ERBB4: variants seen among roughly 807,000 people sequenced by gnomAD.
ERBB4 encodes the protein receptor tyrosine-protein kinase erbB-4.
ERBB4 carries 42 observed loss-of-function variants against 158.0 expected under a neutral mutation model. The ratio of observed to expected loss-of-function variants is 0.27; its 90% CI spans 0.21 to 0.34. The LOEUF (loss-of-function observed/expected upper bound fraction) is 0.34. Ranked by LOEUF, ERBB4 falls within the 10% of genes least tolerant of loss-of-function variation. ERBB4 has a pLI of 1.00. For synonymous variants in ERBB4, 583 were observed against 558.7 expected, an observed-to-expected ratio of 1.04 and a Z score of -0.61; for missense variants, 1,333 against 1,624.1, an observed-to-expected ratio of 0.82 and a Z score of 3.08.
chr2:212,332,358 CTTCT>C lies in ERBB4; in HGVS notation c.82+206087_82+206090del, dbSNP rs1403389872. Among the ~76,000 whole-genome samples, 8 of 152,124 alleles carry C rather than the reference CTTCT, an allele frequency of 5.3e-5. No individual in the cohort carries two copies. The East Asian group carries it at 1.6e-3, about 30-fold the overall frequency. On this transcript the variant is annotated intron_variant, in intron 1 of 27. Coordinates refer to ENST00000342788, the MANE Select transcript of ERBB4 (RefSeq NM_005235.3). ...CATGTGGAACTGTAAGTCCATTAAA[CTTCT>C]TTCTTTTGTAACTTGTCCAGTCTTG... is the stretch of plus-strand genomic sequence containing the variant.
At chr2:212,466,626 G>A (rs923388897) in intron 1 of ERBB4, among the ~76,000 whole-genome samples, 3 of 152,188 alleles carry the variant, frequency 2.0e-5, no homozygotes, top group Non-Finnish European at 4.4e-5. Context: ...CAGCCATGTG[G>A]AACTGTAAGT....
At chr2:211,757,320 T>C (rs955560721) in intron 4 of ERBB4, among the ~76,000 whole-genome samples, 6 of 152,198 alleles carry the variant, frequency 3.9e-5, no homozygotes, top group African/African-American at 1.4e-4. Flanking sequence ...GTATTCTTCC[T>C]TGCTAAAAAA....
At chr2:211,971,379 G>A (rs2081447640) in intron 2 of ERBB4, among the ~76,000 whole-genome samples, 1 of 152,042 alleles carries the variant, frequency 6.6e-6, no homozygotes, top group South Asian at 2.1e-4. Flanking sequence ...TCCATGAACA[G>A]ACCAATAATG....
chr2:212,365,550 TACA>T (rs984084035), intron 1 of ERBB4, among the ~76,000 whole-genome samples: 2 of 151,808 alleles, frequency 1.3e-5, no homozygotes, highest in African/African-American at 4.8e-5. Flanking sequence ...AGAAAAACTT[TACA>T]ACTTCATTTC....
intron 1 of ERBB4, among the ~76,000 whole-genome samples, chr2:212,185,804 T>C (rs1163044134): frequency 6.6e-6 from 1 of 152,126 alleles, no homozygotes; most frequent in Non-Finnish European, 1.5e-5. Flanking sequence ...GAAGAAAGTT[T>C]AATTTACAAA....
At chr2:212,302,382 T>C (rs138308445) in intron 1 of ERBB4, among the ~76,000 whole-genome samples, 2 of 151,494 alleles carry the variant, frequency 1.3e-5, no homozygotes, top group African/African-American at 4.8e-5. Context: ...GGTATTTATA[T>C]AAAATCTCCT....
At chr2:212,310,647 A>G (rs527922722) in intron 1 of ERBB4, among the ~76,000 whole-genome samples, 2,631 of 145,764 alleles carry the variant, frequency 0.018, 64 homozygotes, top group African/African-American at 0.06. Flanking sequence ...GTGTGTGTAT[A>G]TATATATATT....
intron 1 of ERBB4, among the ~76,000 whole-genome samples, chr2:212,271,932 G>T (rs1045108003): frequency 3.3e-5 from 5 of 151,666 alleles, no homozygotes; most frequent in African/African-American, 9.7e-5. Context: ...TTAAAATGAG[G>T]TTCTCTAGCA....
chr2:211,834,587 C>T (rs1386849760), intron 3 of ERBB4, among the ~76,000 whole-genome samples: 1 of 151,564 alleles, frequency 6.6e-6, no homozygotes, highest in Non-Finnish European at 1.5e-5. Flanking sequence ...TTACTTTGTT[C>T]CAAATAAACT....
At chr2:211,753,455 A>C (rs901181972) in intron 4 of ERBB4, among the ~76,000 whole-genome samples, 3 of 152,152 alleles carry the variant, frequency 2.0e-5, no homozygotes, top group African/African-American at 7.2e-5. Context: ...GTTTAGAATT[A>C]ATTCAGGAAA....
At chr2:211,811,719 ACT>A (rs1371122490) in intron 3 of ERBB4, among the ~76,000 whole-genome samples, 1 of 149,414 alleles carries the variant, frequency 6.7e-6, no homozygotes, top group African/African-American at 2.5e-5. Context: ...GTTTCTTTTT[ACT>A]CTTTTTTTTT....
chr2:212,170,174 T>A (rs1254494213), intron 1 of ERBB4, among the ~76,000 whole-genome samples: 1 of 152,086 alleles, frequency 6.6e-6, no homozygotes. Flanking sequence ...ATGCTGACAA[T>A]GATATGAACA....
chr2:212,077,015 G>A (rs569871814), intron 2 of ERBB4, among the ~76,000 whole-genome samples: 10 of 152,038 alleles, frequency 6.6e-5, no homozygotes, highest in African/African-American at 2.2e-4. Context: ...AAATAGGATA[G>A]CTAAACAATT....
At chr2:212,288,578 C>G (rs566381323) in intron 1 of ERBB4, among the ~76,000 whole-genome samples, 1 of 152,180 alleles carries the variant, frequency 6.6e-6, no homozygotes, top group South Asian at 2.1e-4. Flanking sequence ...ATTCAGTGTG[C>G]GAGGTGGAAA....
chr2:212,309,079 A>T (rs1007723206), intron 1 of ERBB4, among the ~76,000 whole-genome samples: 1 of 150,994 alleles, frequency 6.6e-6, no homozygotes, highest in African/African-American at 2.4e-5. Flanking sequence ...ACAGAACACT[A>T]AATTAGAAGC....
intron 2 of ERBB4, among the ~76,000 whole-genome samples, chr2:212,060,085 C>G (rs945587841): frequency 2.0e-5 from 3 of 152,136 alleles, no homozygotes; most frequent in African/African-American, 4.8e-5. Flanking sequence ...AGAACTTAAA[C>G]AAATTTACAA....
chr2:212,207,052 A>G (rs988484191), intron 1 of ERBB4, among the ~76,000 whole-genome samples: 3 of 151,986 alleles, frequency 2.0e-5, no homozygotes, highest in Non-Finnish European at 4.4e-5. Context: ...AAGTAGACTG[A>G]CATTTATAAA....
chr2:212,191,783 T>C (rs1350664499), intron 1 of ERBB4, among the ~76,000 whole-genome samples: 2 of 122,224 alleles, frequency 1.6e-5, no homozygotes, highest in African/African-American at 6.5e-5. Flanking sequence ...AACACGTGTG[T>C]TATATGTTCT....
At chr2:211,551,089 A>C (rs556762204) in intron 20 of ERBB4, among the ~76,000 whole-genome samples, 16 of 152,142 alleles carry the variant, frequency 1.1e-4, no homozygotes, top group African/African-American at 3.9e-4. Context: ...AAAAAATTAA[A>C]CACTGTATCT....
Sources: allele counts gnomAD v4.1 joint callset (sites outside exome capture counted in the v4.1 genomes callset), GRCh38; gene constraint gnomAD v4.1.1; transcripts MANE v1.5; gene names NCBI Gene and HGNC (gene_info 2026-07-23, HGNC 2026-07-21).